The following CAMTA1 variants were observed in gnomAD, a reference collection of about 807,000 sequenced individuals.
CAMTA1 encodes the protein calmodulin binding transcription activator 1.
Under a neutral mutation model 170.9 loss-of-function variants are expected in CAMTA1, and 27 were observed. The ratio of observed to expected loss-of-function variants is 0.16; its 90% confidence interval spans 0.12 to 0.22. The LOEUF (loss-of-function observed/expected upper bound fraction) is 0.22, where lower values mean the gene tolerates loss of function less well. Ranked by LOEUF, CAMTA1 falls within the 10% of genes least tolerant of loss-of-function variation. The probability of loss-of-function intolerance (pLI) is 1.00; values close to 1 mark genes in which losing one functional copy is unlikely to be tolerated. For missense variants in CAMTA1, 1,619 were observed against 2,217.2 expected, an observed-to-expected ratio of 0.73 and a Z score of 5.42; for synonymous variants, 833 against 891.5, an observed-to-expected ratio of 0.93 and a Z score of 1.17.
chr1:7,337,064 C>T (rs1173878928), intron 5 of CAMTA1, among the ~76,000 whole-genome samples: 4 of 152,222 alleles, frequency 2.6e-5, no homozygotes, highest in Non-Finnish European at 4.4e-5. Context: ...GACTTGAATA[C>T]GATCCCTAGT....
chr1:7,143,781 G>C (rs1245958953), intron 4 of CAMTA1, among the ~76,000 whole-genome samples: 2 of 152,222 alleles, frequency 1.3e-5, no homozygotes, highest in African/African-American at 4.8e-5. Context: ...AGATAAAGTA[G>C]TTAAATGTCA....
intron 6 of CAMTA1, among the ~76,000 whole-genome samples, chr1:7,582,496 G>A (rs2095270041): frequency 6.6e-6 from 1 of 152,110 alleles, no homozygotes; most frequent in South Asian, 2.1e-4. Flanking sequence ...AGGCTCAATG[G>A]ATAAAGGTTC....
chr1:6,992,460 G>A (rs1696539097), intron 3 of CAMTA1, among the ~76,000 whole-genome samples: 1 of 152,148 alleles, frequency 6.6e-6, no homozygotes, highest in Admixed American at 6.5e-5. Context: ...ATTCTCCTAT[G>A]TTTTCTTCTA....
intron 2 of CAMTA1, among the ~76,000 whole-genome samples, chr1:6,823,823 T>G (rs954711716): frequency 2.0e-5 from 3 of 152,184 alleles, no homozygotes. Flanking sequence ...TATTTCACTT[T>G]TAAGATTATT....
chr1:7,012,330 C>G (rs1699919686), intron 3 of CAMTA1, among the ~76,000 whole-genome samples: 1 of 152,198 alleles, frequency 6.6e-6, no homozygotes, highest in South Asian at 2.1e-4. Flanking sequence ...CTTCCTCCAG[C>G]TCCTCCTGCC....
At chr1:7,196,144 A>G (rs1329378106) in intron 4 of CAMTA1, among the ~76,000 whole-genome samples, 1 of 152,096 alleles carries the variant, frequency 6.6e-6, no homozygotes, top group Non-Finnish European at 1.5e-5. Flanking sequence ...TGTTCTCGTG[A>G]TAGTGAGTTC....
chr1:6,916,965 A>G (rs1680941799), intron 3 of CAMTA1, among the ~76,000 whole-genome samples: 1 of 152,170 alleles, frequency 6.6e-6, no homozygotes, highest in South Asian at 2.1e-4. Context: ...TGGAGCTCAT[A>G]GAAAAGCCCA....
At chr1:7,196,010 C>G (rs1257846584) in intron 4 of CAMTA1, among the ~76,000 whole-genome samples, 1 of 151,954 alleles carries the variant, frequency 6.6e-6, no homozygotes, top group Non-Finnish European at 1.5e-5. Context: ...CAGTGAGATA[C>G]TGTCTCAAAG....
intron 4 of CAMTA1, among the ~76,000 whole-genome samples, chr1:7,227,481 C>G (rs1280855240): frequency 6.6e-6 from 1 of 152,104 alleles, no homozygotes; most frequent in Admixed American, 6.5e-5. Context: ...GCATGCGCCA[C>G]CATGCCTGGC....
chr1:7,335,442 C>T (rs1302527291), intron 5 of CAMTA1, among the ~76,000 whole-genome samples: 2 of 152,276 alleles, frequency 1.3e-5, no homozygotes, highest in African/African-American at 4.8e-5. Flanking sequence ...TCAGCAGTCC[C>T]GGGGATGCCC....
chr1:7,622,883 C>A (rs1284805040), intron 6 of CAMTA1, among the ~76,000 whole-genome samples: 1 of 152,248 alleles, frequency 6.6e-6, no homozygotes, highest in East Asian at 1.9e-4. Context: ...CAGACTGAAC[C>A]TCTGTGCTTT....
intron 6 of CAMTA1, among the ~76,000 whole-genome samples, chr1:7,587,179 G>A (rs1180369700): frequency 6.6e-6 from 1 of 152,054 alleles, no homozygotes; most frequent in Admixed American, 6.5e-5. Flanking sequence ...GTGGCAGGAG[G>A]TGGGGGGCCC....
intron 4 of CAMTA1, among the ~76,000 whole-genome samples, chr1:7,237,011 G>A (rs1664003288): frequency 6.6e-6 from 1 of 152,230 alleles, no homozygotes; most frequent in African/African-American, 2.4e-5. Flanking sequence ...TGGGGTCAGG[G>A]CTGGGAGGCA....
rs970133223 is a variant in CAMTA1 at position 7,681,767 on chromosome 1, G to T, written c.2914+4034G>T. ...TCTGTGTAGATTTGGCCTCGCCTGTGCCTGTGTTTACAAAGAGAATAAACC... is the reference window on the plus strand; with the variant it reads ...TCTGTGTAGATTTGGCCTCGCCTGTTCCTGTGTTTACAAAGAGAATAAACC... On this transcript the variant is annotated intron_variant, in intron 11 of 22. Transcript: ENST00000303635. This position sits in a 1 kb window ranked among gnomAD's most constrained non-coding sequence, Gnocchi z 4.6. 2.7e-5 allele frequency among the ~76,000 whole-genome samples: 4 copies of T among 147,202 alleles called. No individual in the cohort carries two copies. The highest frequency in any genetic ancestry group is 2.7e-4 in the Admixed American group (4 of 14,872).
chr1:7,090,340 G>A (rs1641313847), intron 3 of CAMTA1, among the ~76,000 whole-genome samples: 1 of 152,208 alleles, frequency 6.6e-6, no homozygotes. Flanking sequence ...CTTCCCAGGA[G>A]CCCTCTAGGA....
chr1:7,569,222 TCCATCATCATCA>T (rs913512790), intron 6 of CAMTA1, among the ~76,000 whole-genome samples: 5 of 145,792 alleles, frequency 3.4e-5, no homozygotes, highest in African/African-American at 1.1e-4. Context: ...ACCACCATCA[TCCATCATCATCA>T]CCATCATCAT....
rs191908179 is a variant in CAMTA1 at position 7,119,107 on chromosome 1, A to T, written c.302+27736A>T. Among the ~76,000 whole-genome samples the T allele has an allele frequency of 8.8e-4, 134 of 152,270 alleles. 4 individuals carry two copies. The Middle Eastern group carries it at 0.027, about 31-fold the overall frequency. ...CCTTAATTCACAGAGCTCTCCAAGG[A>T]CCCCTGATGTCAGTTCAGATTTCAG... On this transcript the variant is annotated intron_variant, in intron 4 of 22. Coordinates refer to ENST00000303635, the MANE Select transcript of CAMTA1 (RefSeq NM_015215.4).
Position 7,655,083 on chromosome 1 carries a change from C to T in CAMTA1, c.665-6643C>T, listed in dbSNP as rs1201902023. Among the ~76,000 whole-genome samples the T allele has an allele frequency of 7.6e-5, 6 of 78,868 alleles. 1 individual carries two copies. The highest frequency in any genetic ancestry group is 2.3e-4 in the African/African-American group (5 of 21,928). 51.7% of individuals were successfully genotyped at this position (78,868 alleles called of 152,430 possible). A position where few individuals can be genotyped will look rare whatever the true frequency, so the allele number is the denominator to read the frequency against. On this transcript the variant is annotated intron_variant, in intron 7 of 22. Transcript: ENST00000303635. Reference sequence around the variant, plus strand: ...AAACACACCCACCTATACACACACACCCACCTATACACACACACCTATACA... The same window carrying T: ...AAACACACCCACCTATACACACACATCCACCTATACACACACACCTATACA...
chr1:7,082,316 T>C (rs1261499457), intron 3 of CAMTA1, among the ~76,000 whole-genome samples: 2 of 152,154 alleles, frequency 1.3e-5, no homozygotes, highest in Non-Finnish European at 2.9e-5. Flanking sequence ...TAGGTACCTG[T>C]AATCCCAGCT....
Sources: allele counts gnomAD v4.1 joint callset (sites outside exome capture counted in the v4.1 genomes callset), GRCh38; gene constraint gnomAD v4.1.1; non-coding constraint Gnocchi (gnomAD v3.1); transcripts MANE v1.5; gene names NCBI Gene and HGNC (gene_info 2026-07-23, HGNC 2026-07-21).